EYS: variants seen among roughly 807,000 people sequenced by gnomAD.
The protein encoded by EYS is EGF-like photoreceptor maintenance factor, also known as protein eyes shut homolog.
Under a neutral mutation model 282.1 loss-of-function variants are expected in EYS, and 250 were observed. The ratio of observed to expected loss-of-function variants is 0.89; its 90% CI spans 0.80 to 0.98. EYS has a LOEUF of 0.98. Among genes scored for constraint, EYS ranks in the 50% least tolerant of loss-of-function variants. The pLI, the probability that EYS is intolerant of heterozygous loss-of-function variation, is 0.00. For synonymous variants in EYS, 1,355 were observed against 1,282.9 expected (o/e 1.06, Z -1.20); for missense variants, 4,016 against 3,709.0 (o/e 1.08, Z -2.15).
chr6:64,142,351 A>C (rs1774364936), intron 31 of EYS, among the ~76,000 whole-genome samples: 1 of 152,018 alleles, frequency 6.6e-6, no homozygotes, highest in Non-Finnish European at 1.5e-5. Context: ...CTATAAGCTG[A>C]GTTCTGAGAA....
At chr6:64,352,010 T>C (rs997658353) in intron 29 of EYS, among the ~76,000 whole-genome samples, 1 of 151,556 alleles carries the variant, frequency 6.6e-6, no homozygotes, top group Non-Finnish European at 1.5e-5. Flanking sequence ...ACTTCAGTCA[T>C]TCACAAACTG....
At position 65,529,679 on chromosome 6, in the gene EYS, A is replaced by G. The variant is rs548342480; in HGVS notation, c.-332-33686T>C. On this transcript the variant is annotated intron_variant, in intron 2 of 42. Coordinates refer to ENST00000503581, the MANE Select transcript of EYS (RefSeq NM_001142800.2). The stretch of plus-strand genomic sequence containing the variant: ...GTGTCCACCCCAAATTAACATGTTG[A>G]TATCATAATGCCAGGACGAAGGTAT... Among the ~76,000 whole-genome samples, 10 of 152,334 alleles carry G rather than the reference A, an allele frequency of 6.6e-5. No homozygotes were observed. The South Asian group carries it at 2.1e-3, about 32-fold the overall frequency.
intron 31 of EYS, among the ~76,000 whole-genome samples, chr6:64,148,861 T>C (rs955511008): frequency 3.9e-5 from 6 of 152,166 alleles, no homozygotes; most frequent in Non-Finnish European, 7.3e-5. Context: ...AGAAAAATGT[T>C]ATAAATTTCA....
intron 41 of EYS, among the ~76,000 whole-genome samples, chr6:63,738,057 G>A (rs552548183): frequency 3.9e-5 from 6 of 152,294 alleles, no homozygotes; most frequent in Admixed American, 3.3e-4. Context: ...ACACCAGTTA[G>A]AATGGTAATC....
intron 22 of EYS, among the ~76,000 whole-genome samples, chr6:64,660,496 T>C (rs1024318505): frequency 6.6e-6 from 1 of 152,124 alleles, no homozygotes; most frequent in Non-Finnish European, 1.5e-5. Context: ...CCCGATCATC[T>C]CAGCCCAAAA....
chr6:64,244,123 A>G (rs559623750), intron 30 of EYS, among the ~76,000 whole-genome samples: 1 of 152,252 alleles, frequency 6.6e-6, no homozygotes, highest in African/African-American at 2.4e-5. Flanking sequence ...ATTAATTGTA[A>G]TCTTCATTTA....
At chr6:65,642,028 G>T (rs1013326060) in intron 1 of EYS, among the ~76,000 whole-genome samples, 1 of 151,998 alleles carries the variant, frequency 6.6e-6, no homozygotes, top group Non-Finnish European at 1.5e-5. Context: ...ACACTAGATT[G>T]TAAAGTCCTT....
intron 26 of EYS, among the ~76,000 whole-genome samples, chr6:64,525,764 T>G (rs983527486): frequency 6.6e-6 from 1 of 151,832 alleles, no homozygotes; most frequent in Non-Finnish European, 1.5e-5. Flanking sequence ...CATACACTTC[T>G]GGTAGGCATG....
chr6:64,216,903 T>C (rs1322786191), intron 31 of EYS, among the ~76,000 whole-genome samples: 1 of 152,142 alleles, frequency 6.6e-6, no homozygotes, highest in Non-Finnish European at 1.5e-5. Context: ...CCCCCAAAGT[T>C]ACATAACTAA....
intron 31 of EYS, among the ~76,000 whole-genome samples, chr6:64,217,407 T>C (rs183103361): frequency 6.6e-6 from 1 of 152,244 alleles, no homozygotes; most frequent in Non-Finnish European, 1.5e-5. Flanking sequence ...TGGGTTCCTG[T>C]AATCCCAGCT....
chr6:64,774,488 G>A (rs1224432937), intron 22 of EYS, among the ~76,000 whole-genome samples: 2 of 151,894 alleles, frequency 1.3e-5, no homozygotes, highest in Non-Finnish European at 2.9e-5. Context: ...GTGTGGAGTA[G>A]ATTATAGCAT....
chr6:64,169,763 T>C (rs549100592), intron 31 of EYS, among the ~76,000 whole-genome samples: 2 of 152,030 alleles, frequency 1.3e-5, no homozygotes, highest in African/African-American at 2.4e-5. Flanking sequence ...CTGCTAAATA[T>C]ATGGATAGCT....
chr6:64,029,170 G>C (rs1769690442), intron 33 of EYS, among the ~76,000 whole-genome samples: 2 of 152,126 alleles, frequency 1.3e-5, no homozygotes, highest in South Asian at 4.1e-4. Flanking sequence ...CAAGCTCCAG[G>C]TTTAAGCCTT....
chr6:63,991,214 G>C (rs1767588840), intron 34 of EYS, among the ~76,000 whole-genome samples: 1 of 151,590 alleles, frequency 6.6e-6, no homozygotes, highest in Non-Finnish European at 1.5e-5. Context: ...CACTGGAGAG[G>C]ACCTCAGACT....
chr6:63,836,522 T>C (rs1771810497), intron 36 of EYS, among the ~76,000 whole-genome samples: 2 of 152,022 alleles, frequency 1.3e-5, no homozygotes, highest in African/African-American at 4.8e-5. Context: ...GTGAGCATAA[T>C]AAACTTTGTC....
chr6:64,197,275 T>G (rs1229984116), intron 31 of EYS, among the ~76,000 whole-genome samples: 1 of 152,204 alleles, frequency 6.6e-6, no homozygotes, highest in Non-Finnish European at 1.5e-5. Context: ...AGTGTTTGTG[T>G]GTGTGTGTGC....
chr6:64,718,692 C>T (rs1237275351), intron 22 of EYS, among the ~76,000 whole-genome samples: 1 of 152,146 alleles, frequency 6.6e-6, no homozygotes, highest in Non-Finnish European at 1.5e-5. Context: ...GTAACATGAT[C>T]CTCTTCAGTA....
chr6:64,996,914 T>C (rs1771283010), intron 14 of EYS, among the ~76,000 whole-genome samples: 1 of 152,206 alleles, frequency 6.6e-6, no homozygotes, highest in African/African-American at 2.4e-5. Context: ...TGGATTAGTA[T>C]TGTAGCCCTG....
intron 31 of EYS, among the ~76,000 whole-genome samples, chr6:64,133,842 C>CT (rs377218629): frequency 0.017 from 2,514 of 146,762 alleles, 52 homozygotes; most frequent in African/African-American, 0.052. Flanking sequence ...CCATATCTTT[C>CT]TTTTTTTTTT....
Sources: gnomAD v4.1 joint callset for allele counts (sites outside exome capture counted in the v4.1 genomes callset) on GRCh38, gnomAD v4.1.1 for gene constraint, MANE v1.5 for transcripts, NCBI Gene and HGNC (gene_info 2026-07-23, HGNC 2026-07-21) for gene names.